Variants in ADAM32 observed in about 807,000 individuals in gnomAD.
The protein encoded by ADAM32 is ADAM metallopeptidase domain 32.
In ADAM32, 89 loss-of-function variants were observed where a neutral mutation model predicts 114.9. The ratio of observed to expected loss-of-function variants is 0.77; its 90% confidence interval spans 0.65 to 0.92. The LOEUF is 0.92. Among genes scored for constraint, ADAM32 ranks in the 40% least tolerant of loss-of-function variants. The pLI, the probability that ADAM32 is intolerant of heterozygous loss-of-function variation, is 0.00. For synonymous variants in ADAM32, 285 were observed against 307.5 expected (o/e 0.93, Z 0.77); for missense variants, 870 against 932.8 (o/e 0.93, Z 0.88).
At chr8:39,146,452 C>T (rs1158374636) in intron 3 of ADAM32, among the ~76,000 whole-genome samples, 1 of 148,314 alleles carries the variant, frequency 6.7e-6, no homozygotes, top group African/African-American at 2.5e-5. Context: ...GCTCTGTCAC[C>T]CAGGCTGGAT....
At chr8:39,130,550 A>G (rs1802379585) in intron 2 of ADAM32, among the ~76,000 whole-genome samples, 1 of 152,022 alleles carries the variant, frequency 6.6e-6, no homozygotes. Context: ...ACATTTCTCT[A>G]CAAGCATTGC....
At chr8:39,187,184 G>A (rs1585489765) in intron 11 of ADAM32, 139 bp downstream of exon 11, 1 of 711,964 alleles carries the variant, frequency 1.4e-6, no homozygotes, top group South Asian at 2.4e-5. Context: ...AATTTTAAAT[G>A]TAAAAGTAGT....
intron 7 of ADAM32, among the ~76,000 whole-genome samples, chr8:39,163,405 C>T (rs1259191818): frequency 2.0e-5 from 3 of 152,016 alleles, no homozygotes; most frequent in African/African-American, 4.8e-5. Flanking sequence ...TCTATTTTAC[C>T]TTAGAATAAT....
chr8:39,274,281 A>C, intron 20 of ADAM32, 31 bp from the exon 21 acceptor site: 1 of 1,612,284 alleles, frequency 6.2e-7, no homozygotes, highest in Non-Finnish European at 8.5e-7. Flanking sequence ...CTTAGTACTA[A>C]CTTGAGACAT....
chr8:39,144,650 T>C (rs1803388108), intron 3 of ADAM32, among the ~76,000 whole-genome samples: 1 of 23,160 alleles, frequency 4.3e-5, no homozygotes, highest in Non-Finnish European at 8.2e-5. Context: ...CTAGAAGAGA[T>C]ATACCTTAAC....
At chr8:39,162,254 T>C (rs1158439564) in intron 7 of ADAM32, among the ~76,000 whole-genome samples, 1 of 147,752 alleles carries the variant, frequency 6.8e-6, no homozygotes, top group Non-Finnish European at 1.5e-5. Context: ...AGTGAGAACA[T>C]GCGGTGTTTG....
intron 2 of ADAM32, among the ~76,000 whole-genome samples, chr8:39,127,070 C>A (rs371312021): frequency 2.6e-5 from 4 of 152,052 alleles, no homozygotes; most frequent in Admixed American, 2.6e-4. Context: ...ATTCAGTTTG[C>A]CAGTATTTTA....
rs564438574 is a variant in ADAM32, at chr8:39,170,045, T to C, written c.915+48T>C. The C allele has an allele frequency of 1.1e-5, 15 of 1,355,932 alleles. No homozygotes were observed. The East Asian group carries it at 1.2e-4, about 11-fold the overall frequency. The allele number at this position is 1,355,932 out of a possible 1,614,324, so 84.0% of individuals were successfully genotyped here. A position where few individuals can be genotyped will look rare whatever the true frequency, so the allele number is the denominator to read the frequency against. On this transcript the variant is annotated intron_variant, in intron 10 of 24. Coordinates refer to ENST00000379907, the MANE Select transcript of ADAM32 (RefSeq NM_145004.7). ...TTTTTAAATTAACACGTTTAAAAAT[T>C]ATTTGACATGATAGTATATATTTTG...
intron 2 of ADAM32, among the ~76,000 whole-genome samples, chr8:39,119,772 T>C (rs1840517208): frequency 6.6e-6 from 1 of 152,208 alleles, no homozygotes; most frequent in Non-Finnish European, 1.5e-5. Context: ...AACTCTGTTA[T>C]GGACTGAACT....
intron 11 of ADAM32, among the ~76,000 whole-genome samples, chr8:39,193,687 T>G (rs1806749255): frequency 1.3e-5 from 2 of 152,206 alleles, no homozygotes; most frequent in Admixed American, 1.3e-4. Context: ...TTTATCATAT[T>G]TGATGACCTT....
At chr8:39,197,126 A>G (rs1807062937) in intron 11 of ADAM32, among the ~76,000 whole-genome samples, 1 of 152,098 alleles carries the variant, frequency 6.6e-6, no homozygotes, top group Non-Finnish European at 1.5e-5. Context: ...ATTTGTCAGC[A>G]TAGAGTTGTT....
At chr8:39,278,877 A>G (rs1005270247) in intron 22 of ADAM32, among the ~76,000 whole-genome samples, 7 of 152,106 alleles carry the variant, frequency 4.6e-5, no homozygotes, top group Admixed American at 1.3e-4. Flanking sequence ...TGAATTTTGA[A>G]TGATAGCTTA....
chr8:39,254,615 TA>T, intron 18 of ADAM32, 99 bp downstream of exon 18: 1 of 809,276 alleles, frequency 1.2e-6, no homozygotes, highest in Non-Finnish European at 1.8e-6. Flanking sequence ...AGGCAACTGA[TA>T]TTTGTAATAA....
intron 2 of ADAM32, among the ~76,000 whole-genome samples, chr8:39,121,247 A>C (rs1298820033): frequency 6.6e-6 from 1 of 152,218 alleles, no homozygotes; most frequent in East Asian, 1.9e-4. Flanking sequence ...TGCCAGCTGG[A>C]ACTAAAGGGA....
intron 7 of ADAM32, among the ~76,000 whole-genome samples, chr8:39,162,003 T>C (rs942438182): frequency 1.5e-3 from 1 of 660 alleles, no homozygotes; most frequent in African/African-American, 1.8e-3. Flanking sequence ...TTTTATTTTA[T>C]ATATATATAT....
chr8:39,228,253 A>C (rs1471734322), intron 14 of ADAM32, among the ~76,000 whole-genome samples: 1 of 152,220 alleles, frequency 6.6e-6, no homozygotes, highest in Non-Finnish European at 1.5e-5. Context: ...CAATCCTGGT[A>C]ATATGACAAA....
intron 15 of ADAM32, among the ~76,000 whole-genome samples, chr8:39,233,120 T>G (rs1355600027): frequency 6.6e-6 from 1 of 152,152 alleles, no homozygotes. Flanking sequence ...TCTTGGATCT[T>G]GTGGAAGAGA....
chr8:39,168,832 G>C (rs1010625890), intron 9 of ADAM32: 2 of 152,202 alleles, frequency 1.3e-5, no homozygotes, highest in Non-Finnish European at 2.9e-5. Context: ...ACGTCAAAAG[G>C]TGTCAGTATG....
chr8:39,231,922 C>T (rs1809758692), intron 14 of ADAM32, 105 bp from the exon 15 acceptor site: 2 of 931,558 alleles, frequency 2.1e-6, no homozygotes, highest in African/African-American at 1.7e-5. Flanking sequence ...AAAAATGTTT[C>T]AATTAGATAT....
Sources: gnomAD v4.1 joint callset for allele counts (sites outside exome capture counted in the v4.1 genomes callset) on GRCh38, gnomAD v4.1.1 for gene constraint, MANE v1.5 for transcripts, NCBI Gene and HGNC (gene_info 2026-07-23, HGNC 2026-07-21) for gene names.